CFAP43: variants seen among roughly 807,000 people sequenced by gnomAD.
The protein encoded by CFAP43 is cilia- and flagella-associated protein 43.
A neutral mutation model predicts 218.9 loss-of-function variants in CFAP43; 155 were observed. The ratio of observed to expected loss-of-function variants is 0.71; its 90% CI spans 0.62 to 0.81. The LOEUF is 0.81. Among genes scored for constraint, CFAP43 ranks in the 30% least tolerant of loss-of-function variants. CFAP43 has a pLI of 0.00. For synonymous variants in CFAP43, 645 were observed against 681.3 expected (o/e 0.95, Z 0.83); for missense variants, 1,778 against 1,954.3 (o/e 0.91, Z 1.70).
chr10:104,142,396 A>G lies in CFAP43; in HGVS notation c.4159-3T>C, dbSNP rs769250582. 1.2e-6 allele frequency: 2 copies of G among 1,610,828 alleles called. No individual in the cohort carries two copies. Among genetic ancestry groups the G allele is most frequent in the Non-Finnish European group, 1.7e-6 (2 of 1,178,230 alleles). On this transcript the variant is annotated splice_region_variant and splice_polypyrimidine_tract_variant and intron_variant, in intron 32 of 37. Transcript: ENST00000357060. ...AAGTCAGCTGCTTTCTGCTTTACCT[A>G]AAGAAACCAAGCCAGAAACATGTCA... is the stretch of plus-strand genomic sequence containing the variant.
At chr10:104,225,408 TA>T in intron 3 of CFAP43, 52 bp downstream of exon 3, 2 of 1,355,974 alleles carry the variant, frequency 1.5e-6, no homozygotes, top group Non-Finnish European at 2.1e-6. Context: ...TCCAGAAGAG[TA>T]AGAGGAAAAT....
intron 4 of CFAP43, 31 bp from the exon 5 acceptor site, chr10:104,212,188 G>C: frequency 1.3e-6 from 2 of 1,593,908 alleles, no homozygotes; most frequent in South Asian, 1.1e-5. Context: ...AGAACAATGA[G>C]ATGAACAGAA....
intron 17 of CFAP43, among the ~76,000 whole-genome samples, chr10:104,181,076 G>A (rs1157640608): frequency 6.6e-6 from 1 of 152,140 alleles, no homozygotes; most frequent in Non-Finnish European, 1.5e-5. Flanking sequence ...GCATCTTCAC[G>A]TGGATGTCTA....
Position 104,232,318 on chromosome 10 carries a change from C to T in CFAP43, c.-72G>A, listed in dbSNP as rs530342774. 2.8e-6 allele frequency: 4 copies of T among 1,419,648 alleles called. No homozygotes were observed. In the South Asian group the frequency reaches 4.3e-5, roughly 15 times the overall value. The allele number at this position is 1,419,648 out of a possible 1,614,324, so 87.9% of individuals were successfully genotyped here. ...CAGGGCGGGTCGGTTACCTTTCCGC[C>T]GCCGCGGGGCTGCGGGCCGCGACGC... On this transcript the variant is annotated 5_prime_UTR_variant, in exon 1 of 38. Coordinates refer to ENST00000357060, the MANE Select transcript of CFAP43 (RefSeq NM_025145.7).
intron 24 of CFAP43, among the ~76,000 whole-genome samples, chr10:104,162,902 A>G (rs1391193704): frequency 6.6e-6 from 1 of 152,044 alleles, no homozygotes; most frequent in Non-Finnish European, 1.5e-5. Context: ...CAGAGAAGGG[A>G]CATAGTAAGT....
chr10:104,217,349 T>C (rs1439140214), intron 3 of CFAP43, among the ~76,000 whole-genome samples: 2 of 120,036 alleles, frequency 1.7e-5, no homozygotes, highest in Admixed American at 1.5e-4. Flanking sequence ...TCTTTCTTTC[T>C]TTCTTTTTCT....
intron 19 of CFAP43, among the ~76,000 whole-genome samples, chr10:104,173,018 C>T (rs1355984220): frequency 6.6e-6 from 1 of 151,902 alleles, no homozygotes; most frequent in Non-Finnish European, 1.5e-5. Context: ...AACTTCTATA[C>T]AATAAAAATT....
chr10:104,191,327 C>T (rs1247178513), intron 12 of CFAP43, among the ~76,000 whole-genome samples: 1 of 146,612 alleles, frequency 6.8e-6, no homozygotes, highest in Non-Finnish European at 1.5e-5. Context: ...CTTCCATTTA[C>T]CTGTTATACC....
At chr10:104,229,793 A>G (rs1425079477) in intron 2 of CFAP43, among the ~76,000 whole-genome samples, 1 of 152,206 alleles carries the variant, frequency 6.6e-6, no homozygotes, top group Non-Finnish European at 1.5e-5. Context: ...ATTAGACACC[A>G]TCTTTATCCC....
chr10:104,172,452 T>C lies in CFAP43; in HGVS notation c.2544A>G (p.Glu848=). The change falls in exon 20 of 38, where the codon GAA becomes GAG. Residue 848 remains glutamate (E), a synonymous_variant. Coordinates refer to ENST00000357060, the MANE Select transcript of CFAP43 (RefSeq NM_025145.7). The part of the protein sequence containing the change: ...DQQEFGLDLE[E]LERLHDESQE... ...GACTTTCATCATGAAGCCTTTCTAG[T>C]TCCTCAAGATCCAGACCAAATTCCT... 1 of 1,609,390 alleles carries C rather than the reference T, an allele frequency of 6.2e-7. No homozygotes were observed. Among genetic ancestry groups the C allele is most frequent in the South Asian group, 1.1e-5 (1 of 89,400 alleles).
chr10:104,211,643 G>A (rs758062192), intron 5 of CFAP43, among the ~76,000 whole-genome samples: 4 of 151,936 alleles, frequency 2.6e-5, no homozygotes, highest in Admixed American at 6.6e-5. Context: ...TGCTCCCACC[G>A]TCCTATCTGT....
chr10:104,200,539 C>T (rs528261451), intron 8 of CFAP43, among the ~76,000 whole-genome samples: 4 of 151,948 alleles, frequency 2.6e-5, no homozygotes, highest in African/African-American at 4.8e-5. Flanking sequence ...GGCATGGTGG[C>T]GCACACCTGT....
At chr10:104,138,796 G>C (rs2087567616) in intron 34 of CFAP43, among the ~76,000 whole-genome samples, 1 of 152,094 alleles carries the variant, frequency 6.6e-6, no homozygotes, top group Non-Finnish European at 1.5e-5. Flanking sequence ...TTGTACTTTA[G>C]TTAATAATAA....
intron 34 of CFAP43, among the ~76,000 whole-genome samples, chr10:104,134,659 CAA>C (rs2087354761): frequency 6.6e-6 from 1 of 151,954 alleles, no homozygotes; most frequent in Admixed American, 6.5e-5. Flanking sequence ...TAGAAACACA[CAA>C]ACTATAAAAA....
At chr10:104,152,309 T>A (rs1056329971) in intron 28 of CFAP43, among the ~76,000 whole-genome samples, 1 of 152,116 alleles carries the variant, frequency 6.6e-6, no homozygotes, top group Non-Finnish European at 1.5e-5. Flanking sequence ...AGGAACTGAT[T>A]TTTGAGCTGG....
At chr10:104,189,757 C>G (rs1012107427) in intron 12 of CFAP43, among the ~76,000 whole-genome samples, 3 of 152,108 alleles carry the variant, frequency 2.0e-5, no homozygotes, top group Non-Finnish European at 4.4e-5. Context: ...AATCCCAATA[C>G]TTTGGGAGGC....
At chr10:104,216,697 C>A (rs2091020853) in intron 3 of CFAP43, among the ~76,000 whole-genome samples, 1 of 152,146 alleles carries the variant, frequency 6.6e-6, no homozygotes, top group South Asian at 2.1e-4. Flanking sequence ...TGATTCATAG[C>A]AGTTCATAGA....
chr10:104,182,053 A>G (rs956365806), intron 17 of CFAP43, among the ~76,000 whole-genome samples: 3 of 152,206 alleles, frequency 2.0e-5, no homozygotes, highest in African/African-American at 4.8e-5. Context: ...TTCCTAAATA[A>G]TATCTGTAAT....
intron 27 of CFAP43, among the ~76,000 whole-genome samples, chr10:104,155,558 C>T (rs2088498983): frequency 6.6e-6 from 1 of 151,966 alleles, no homozygotes; most frequent in African/African-American, 2.4e-5. Context: ...AGGAGAGGCA[C>T]AGGTAAAAAT....
Sources: gnomAD v4.1 joint callset for allele counts (sites outside exome capture counted in the v4.1 genomes callset) on GRCh38, gnomAD v4.1.1 for gene constraint, MANE v1.5 for transcripts, NCBI Gene and HGNC (gene_info 2026-07-23, HGNC 2026-07-21) for gene names.